Variants in NSD2 observed in about 807,000 individuals in gnomAD.
The protein encoded by NSD2 is nuclear receptor binding SET domain protein 2.
In NSD2, 12 loss-of-function variants were observed where a neutral mutation model predicts 139.0. That is an observed-to-expected ratio of 0.09 (90% confidence interval 0.06 to 0.14). NSD2 has a LOEUF of 0.14. NSD2 is among the 10% of genes least tolerant of loss of function. NSD2 has a pLI of 1.00. For missense variants in NSD2, 1,155 were observed against 1,745.0 expected, an observed-to-expected ratio of 0.66 and a Z score of 6.02; for synonymous variants, 669 against 648.7, an observed-to-expected ratio of 1.03 and a Z score of -0.48.
chr4:1,928,167 T>C (rs946068645), intron 5 of NSD2, among the ~76,000 whole-genome samples: 7 of 151,626 alleles, frequency 4.6e-5, no homozygotes, highest in Admixed American at 1.3e-4. Flanking sequence ...CCTCCGAAAA[T>C]GTTGGGATTA....
chr4:1,942,806 C>G lies in NSD2; in HGVS notation c.1881+3028C>G. The G allele has an allele frequency of 9.3e-7, 1 of 1,076,692 alleles. No individual in the cohort carries two copies. The highest frequency in any genetic ancestry group is 1.6e-5 in the African/African-American group (1 of 61,316). The allele number at this position is 1,076,692 out of a possible 1,614,324, so 66.7% of individuals were successfully genotyped here. A position where few individuals can be genotyped will look rare whatever the true frequency, so the allele number is the denominator to read the frequency against. On this transcript the variant is annotated intron_variant, in intron 9 of 21. Coordinates refer to ENST00000508803, the MANE Select transcript of NSD2 (RefSeq NM_001042424.3). This position sits in a 1 kb window ranked among gnomAD's most constrained non-coding sequence, Gnocchi z 4.0. ...CAGCGTCGCTACCCTCAGAAACAAA[C>G]TAACAGCACACGTTAGGAGGAGTCC...
Position 1,981,981 on chromosome 4 carries a change from C to T in NSD2, c.*3072C>T, listed in dbSNP as rs931278980. The T allele has an allele frequency of 1.8e-5, 7 of 398,458 alleles. No homozygotes were observed. The East Asian group carries it at 1.8e-4, about 10-fold the overall frequency. The allele number at this position is 398,458 out of a possible 1,614,324, so 24.7% of individuals were successfully genotyped here. ...TGCCTATTGGTGTCTAAACTTCATA[C>T]AATGTAAGGTCAGATTCCTTTTAGG... On this transcript the variant is annotated 3_prime_UTR_variant, in exon 22 of 22. Transcript: ENST00000508803.
chr4:1,942,233 G>T lies in NSD2; in HGVS notation c.1881+2455G>T. On this transcript the variant is annotated intron_variant, in intron 9 of 21. Transcript: ENST00000508803. This position sits in a 1 kb window ranked among gnomAD's most constrained non-coding sequence, Gnocchi z 4.0. ...ATAAATTAAAATTACACACTTGCATGACAAAGGCCTGTGAAGGAATTAATG... is the reference window on the plus strand; with the variant it reads ...ATAAATTAAAATTACACACTTGCATTACAAAGGCCTGTGAAGGAATTAATG... 6.5e-7 allele frequency: 1 copy of T among 1,528,876 alleles called. No homozygotes were observed. The highest frequency in any genetic ancestry group is 8.8e-7 in the Non-Finnish European group (1 of 1,141,978). 94.7% of individuals were successfully genotyped at this position (1,528,876 alleles called of 1,614,324 possible).
At chr4:1,964,053 T>C (rs571336211) in intron 18 of NSD2, among the ~76,000 whole-genome samples, 2 of 152,206 alleles carry the variant, frequency 1.3e-5, no homozygotes, top group South Asian at 4.2e-4. Context: ...CAAAGCGCAA[T>C]AGAAGGTGAC....
chr4:1,898,398 C>T (rs536886582), intron 1 of NSD2, among the ~76,000 whole-genome samples: 2 of 152,332 alleles, frequency 1.3e-5, no homozygotes, highest in African/African-American at 4.8e-5. Flanking sequence ...GGTGCGGTGG[C>T]TCACGCCTGT....
chr4:1,893,182 C>A (rs1412861808), intron 1 of NSD2, among the ~76,000 whole-genome samples: 1 of 152,092 alleles, frequency 6.6e-6, no homozygotes, highest in Non-Finnish European at 1.5e-5. Context: ...ATTAAACTCT[C>A]AGGCCAGGCT....
chr4:1,978,312 C>G (rs927157754), intron 21 of NSD2, among the ~76,000 whole-genome samples: 2 of 152,154 alleles, frequency 1.3e-5, no homozygotes, highest in Non-Finnish European at 1.5e-5. Flanking sequence ...GGGCAGGTCA[C>G]ATGGAAATCA....
chr4:1,938,411 T>TGTTTG, intron 7 of NSD2, 40 bp from the exon 8 acceptor site: 11 of 1,164,538 alleles, frequency 9.4e-6, no homozygotes, highest in East Asian at 3.2e-5. Flanking sequence ...CTTTTTTTTT[T>TGTTTG]CTTTCTTTTT....
chr4:1,881,076 TTATTTG>T (rs1233360360), intron 1 of NSD2, among the ~76,000 whole-genome samples: 1 of 152,016 alleles, frequency 6.6e-6, no homozygotes, highest in Non-Finnish European at 1.5e-5. Flanking sequence ...AGGGAGTAGG[TTATTTG>T]TGGTTACATC....
intron 1 of NSD2, among the ~76,000 whole-genome samples, chr4:1,888,298 G>GCTA (rs1715268945): frequency 6.7e-6 from 1 of 148,956 alleles, no homozygotes; most frequent in African/African-American, 2.5e-5. Flanking sequence ...TGTAATCCTA[G>GCTA]CTACTCAGGA....
intron 1 of NSD2, among the ~76,000 whole-genome samples, chr4:1,890,013 C>T (rs1438776918): frequency 6.6e-6 from 1 of 152,204 alleles, no homozygotes; most frequent in African/African-American, 2.4e-5. Flanking sequence ...CAGCCCCTGG[C>T]AGCCATTCTA....
chr4:1,926,135 G>T (rs1181905622), intron 5 of NSD2, among the ~76,000 whole-genome samples: 1 of 150,368 alleles, frequency 6.7e-6, no homozygotes, highest in Admixed American at 6.6e-5. Context: ...TCACTAGCAG[G>T]CTTTTTGGGC....
intron 7 of NSD2, among the ~76,000 whole-genome samples, chr4:1,935,636 G>A (rs1722297796): frequency 6.6e-6 from 1 of 152,166 alleles, no homozygotes; most frequent in Non-Finnish European, 1.5e-5. Flanking sequence ...GAGGCAGGTG[G>A]ATTGCTTGAG....
intron 1 of NSD2, among the ~76,000 whole-genome samples, chr4:1,889,005 C>T (rs546204430): frequency 6.6e-4 from 99 of 150,066 alleles, no homozygotes; most frequent in African/African-American, 2.4e-3. Flanking sequence ...TCAAGTGATT[C>T]TTCTGCCTCA....
At position 1,974,958 on chromosome 4, in the gene NSD2, T is replaced by C. The variant is rs373255342; in HGVS notation, c.3468T>C (p.Asn1156=). ...PNCETLKWTV[N]GDTRVGLFAV... Reference sequence around the variant, plus strand: ...GTGAGACCCTCAAGTGGACAGTGAATGGGGACACTCGTGTGGGCCTGTTTG... The same window carrying C: ...GTGAGACCCTCAAGTGGACAGTGAACGGGGACACTCGTGTGGGCCTGTTTG... The change falls in exon 19 of 22, where the codon AAT becomes AAC. Residue 1156 remains asparagine, a synonymous_variant. Coordinates refer to ENST00000508803, the MANE Select transcript of NSD2 (RefSeq NM_001042424.3). This position sits in a 1 kb window ranked among gnomAD's most constrained non-coding sequence, Gnocchi z 4.0. 5 of 1,613,998 alleles carry C rather than the reference T, an allele frequency of 3.1e-6. No homozygotes were observed. Among genetic ancestry groups the C allele is most frequent in the Non-Finnish European group, 4.2e-6 (5 of 1,180,032 alleles).
In NSD2 at chr4:1,891,688, C is replaced by G. The variant is rs10008627; in HGVS notation, c.-29-8938C>G. Among the ~76,000 whole-genome samples the G allele has an allele frequency of 9.6e-3, 1,456 of 151,706 alleles. 27 individuals are homozygous for G. Among genetic ancestry groups the G allele is most frequent in the African/African-American group, 0.033 (1,383 of 41,348 alleles). Reference sequence around the variant, plus strand: ...TAACATGGTGAAACCCCATCTCTATCAAAAATACAAAAATAAAAATTAGCC... The same window carrying G: ...TAACATGGTGAAACCCCATCTCTATGAAAAATACAAAAATAAAAATTAGCC... On this transcript the variant is annotated intron_variant, in intron 1 of 21. Coordinates refer to ENST00000508803, the MANE Select transcript of NSD2 (RefSeq NM_001042424.3).
At chr4:1,965,612 T>C (rs892702044) in intron 18 of NSD2, among the ~76,000 whole-genome samples, 8 of 152,168 alleles carry the variant, frequency 5.3e-5, no homozygotes, top group Non-Finnish European at 1.5e-5. Context: ...ATGCAAGGTG[T>C]ATTAGTCTAT....
chr4:1,904,550 T>C (rs564948798), intron 3 of NSD2, among the ~76,000 whole-genome samples, 172 bp downstream of exon 3: 1 of 152,368 alleles, frequency 6.6e-6, no homozygotes, highest in African/African-American at 2.4e-5. Context: ...CTTTTTATAT[T>C]CAACTCAAAT....
chr4:1,946,372 A>G, intron 9 of NSD2: 2 of 478,610 alleles, frequency 4.2e-6, no homozygotes, highest in Non-Finnish European at 5.6e-6. Context: ...GGTTCCAGCA[A>G]TTCTTCTGCC....
Sources: gnomAD v4.1 joint callset for allele counts (sites outside exome capture counted in the v4.1 genomes callset) on GRCh38, gnomAD v4.1.1 for gene constraint, Gnocchi (gnomAD v3.1) non-coding constraint, MANE v1.5 for transcripts, NCBI Gene and HGNC (gene_info 2026-07-23, HGNC 2026-07-21) for gene names.